ADAMTSL1: variants seen among roughly 807,000 people sequenced by gnomAD.
ADAMTSL1 encodes the protein ADAMTS like 1.
ADAMTSL1 carries 126 observed loss-of-function variants against 201.8 expected under a neutral mutation model. That is an observed-to-expected ratio of 0.62 (90% CI 0.54 to 0.72). The LOEUF (loss-of-function observed/expected upper bound fraction) is 0.72, where lower values mean the gene tolerates loss of function less well. Ranked by LOEUF, ADAMTSL1 falls within the 30% of genes least tolerant of loss-of-function variation. The pLI is 0.00. For missense variants in ADAMTSL1, 2,679 were observed against 2,277.8 expected, an observed-to-expected ratio of 1.18 and a Z score of -3.59; for synonymous variants, 1,121 against 903.4, an observed-to-expected ratio of 1.24 and a Z score of -4.32.
intron 1 of ADAMTSL1, among the ~76,000 whole-genome samples, chr9:18,099,343 ATATATATATATATTTTTTTTTTTT>A (rs201646088): frequency 0.07 from 3,645 of 52,284 alleles, 169 homozygotes; most frequent in Middle Eastern, 0.1. Context: ...ATATATATAT[ATATATATATATATTTTTTTTTTTT>A]TTTTTAACAT....
In ADAMTSL1 at chr9:18,337,957, G is replaced by T. The variant is rs563388488; in HGVS notation, c.208-166872G>T. Among the ~76,000 whole-genome samples the T allele has an allele frequency of 2.6e-5, 4 of 152,134 alleles. No homozygotes were observed. The South Asian group carries it at 8.3e-4, about 32-fold the overall frequency. Reference sequence around the variant, plus strand: ...TTCTGCAGCTGTGATTGGCGTGGGGGTGGTCAAGCCCGGCTTGGTTACAGG... The same window carrying T: ...TTCTGCAGCTGTGATTGGCGTGGGGTTGGTCAAGCCCGGCTTGGTTACAGG... On this transcript the variant is annotated intron_variant, in intron 2 of 29. Coordinates refer to the ADAMTSL1 transcript ENST00000680146.
In ADAMTSL1 at chr9:18,039,342, C is replaced by G. The variant is rs75261119; in HGVS notation, c.88-124520C>G. 6.0e-3 allele frequency among the ~76,000 whole-genome samples: 912 copies of G among 152,118 alleles called. 7 individuals carry two copies. The highest frequency in any genetic ancestry group is 0.021 in the African/African-American group (860 of 41,504). ...ACATTGACAGATTAAAGACATATTA[C>G]TGTATTTTTTTTTACTTCTCAGTGA... On this transcript the variant is annotated intron_variant, in intron 1 of 29. Transcript: ENST00000680146.
At chr9:18,274,424 T>C (rs898955389) in intron 2 of ADAMTSL1, among the ~76,000 whole-genome samples, 3 of 152,200 alleles carry the variant, frequency 2.0e-5, no homozygotes, top group African/African-American at 7.2e-5. Context: ...AAGTTTTTCA[T>C]CTAGATTATT....
intron 2 of ADAMTSL1, among the ~76,000 whole-genome samples, chr9:18,381,952 T>C (rs943561012): frequency 2.0e-5 from 3 of 152,218 alleles, no homozygotes; most frequent in African/African-American, 7.2e-5. Context: ...TTCCCTAGCA[T>C]GTAAAATACT....
chr9:18,548,981 CA>C (rs1448377850), intron 3 of ADAMTSL1, among the ~76,000 whole-genome samples: 1 of 151,508 alleles, frequency 6.6e-6, no homozygotes, highest in Admixed American at 6.6e-5. Context: ...ATATATAATA[CA>C]AAAGAGCCCT....
chr9:18,467,514 A>G (rs929851195), intron 2 of ADAMTSL1, among the ~76,000 whole-genome samples: 1 of 152,248 alleles, frequency 6.6e-6, no homozygotes, highest in Admixed American at 6.5e-5. Context: ...GCTCATATCT[A>G]TGATATATAA....
chr9:18,763,271 C>T (rs1419693430), intron 16 of ADAMTSL1, among the ~76,000 whole-genome samples: 1 of 152,104 alleles, frequency 6.6e-6, no homozygotes, highest in Non-Finnish European at 1.5e-5. Context: ...ATGCTGAGCA[C>T]CTTTTCATAT....
chr9:17,932,970 A>G (rs1563903974), intron 1 of ADAMTSL1, among the ~76,000 whole-genome samples: 1 of 152,118 alleles, frequency 6.6e-6, no homozygotes, highest in East Asian at 1.9e-4. Context: ...CTTATGTCAG[A>G]TCAACTAAGC....
intron 2 of ADAMTSL1, among the ~76,000 whole-genome samples, chr9:18,209,817 T>C (rs1335956684): frequency 6.6e-6 from 1 of 152,152 alleles, no homozygotes; most frequent in Non-Finnish European, 1.5e-5. Flanking sequence ...TTGGTGACTT[T>C]GGTGGGAATT....
At chr9:18,339,218 A>T (rs949178941) in intron 2 of ADAMTSL1, among the ~76,000 whole-genome samples, 1 of 152,184 alleles carries the variant, frequency 6.6e-6, no homozygotes, top group African/African-American at 2.4e-5. Flanking sequence ...TCCAACAAAG[A>T]TCTAATATCC....
chr9:18,871,327 TC>T (rs904405272), intron 23 of ADAMTSL1, among the ~76,000 whole-genome samples: 1 of 152,236 alleles, frequency 6.6e-6, no homozygotes, highest in African/African-American at 2.4e-5. Flanking sequence ...TTTTTTGCTT[TC>T]TAAGCTTCCA....
intron 22 of ADAMTSL1, among the ~76,000 whole-genome samples, chr9:18,829,204 T>C (rs1018244627): frequency 6.6e-6 from 1 of 152,200 alleles, no homozygotes; most frequent in African/African-American, 2.4e-5. Flanking sequence ...TCTGATGACT[T>C]CAGCGCTGAT....
intron 2 of ADAMTSL1, among the ~76,000 whole-genome samples, chr9:18,303,201 G>A (rs1833771351): frequency 6.6e-6 from 1 of 152,210 alleles, no homozygotes; most frequent in Non-Finnish European, 1.5e-5. Context: ...CCCTCAAGGA[G>A]TGTTCATGTA....
chr9:18,538,599 T>C (rs1819940296), intron 3 of ADAMTSL1, among the ~76,000 whole-genome samples: 1 of 152,054 alleles, frequency 6.6e-6, no homozygotes, highest in African/African-American at 2.4e-5. Flanking sequence ...AGGGATAAAG[T>C]AGAGTCAGAG....
intron 2 of ADAMTSL1, among the ~76,000 whole-genome samples, chr9:18,297,872 CAA>C (rs1833535547): frequency 6.6e-6 from 1 of 152,172 alleles, no homozygotes; most frequent in East Asian, 1.9e-4. Flanking sequence ...TGAACCGCAG[CAA>C]AAGTCTTCTG....
At chr9:17,992,037 T>C (rs1274799508) in intron 1 of ADAMTSL1, among the ~76,000 whole-genome samples, 4 of 152,094 alleles carry the variant, frequency 2.6e-5, no homozygotes, top group Non-Finnish European at 5.9e-5. Context: ...CCTTCCCTGC[T>C]CAGGTGCCAT....
rs10963548 is a variant in ADAMTSL1, at chr9:18,271,986, G to A, written c.207+108005G>A. ...GCATAAATGTCTTCTTTTGAGAAGC[G>A]TCTGTTCATATCCTTCGCCCACTTT... On this transcript the variant is annotated intron_variant, in intron 2 of 29. Coordinates refer to the ADAMTSL1 transcript ENST00000680146. Among the ~76,000 whole-genome samples, 51 of 150,738 alleles carry A rather than the reference G, an allele frequency of 3.4e-4. 1 individual carries two copies. The highest frequency in any genetic ancestry group is 1.9e-3 in the South Asian group (9 of 4,770).
chr9:18,188,916 A>G (rs1200153037), intron 2 of ADAMTSL1, among the ~76,000 whole-genome samples: 2 of 152,310 alleles, frequency 1.3e-5, no homozygotes, highest in East Asian at 1.9e-4. Context: ...AAGGATCTCC[A>G]TTCAACTAGT....
intron 1 of ADAMTSL1, among the ~76,000 whole-genome samples, chr9:18,038,757 A>C (rs539646124): frequency 6.6e-6 from 1 of 152,202 alleles, no homozygotes; most frequent in African/African-American, 2.4e-5. Flanking sequence ...TGAAGTTTAG[A>C]TAATGAGCAT....
Sources: allele counts gnomAD v4.1 joint callset (sites outside exome capture counted in the v4.1 genomes callset), GRCh38; gene constraint gnomAD v4.1.1; transcripts MANE v1.5; gene names NCBI Gene and HGNC (gene_info 2026-07-23, HGNC 2026-07-21).